XYLB: variants seen among roughly 807,000 people sequenced by gnomAD.
XYLB encodes xylulose kinase.
XYLB carries 62 observed loss-of-function variants against 78.7 expected under a neutral mutation model. That is an observed-to-expected ratio of 0.79 (90% CI 0.64 to 0.97). XYLB has a LOEUF of 0.97. Ranked by LOEUF, XYLB falls within the 50% of genes least tolerant of loss-of-function variation. XYLB has a pLI of 0.00. For missense variants in XYLB, 687 were observed against 676.8 expected, an observed-to-expected ratio of 1.02 and a Z score of -0.17; for synonymous variants, 245 against 247.4, an observed-to-expected ratio of 0.99 and a Z score of 0.09.
intron 17 of XYLB, 26 bp from the exon 18 acceptor site, chr3:38,400,865 A>C: frequency 2.5e-6 from 4 of 1,601,486 alleles, no homozygotes; most frequent in Non-Finnish European, 2.6e-6. Context: ...AACATGCACT[A>C]ATGTGAAGTG....
chr3:38,432,524 G>A, the XYLB span, among the ~76,000 whole-genome samples: 2 of 152,014 alleles, frequency 1.3e-5, no homozygotes, highest in Admixed American at 6.6e-5. Context: ...CTGAGATTGC[G>A]ACCCTGCACT....
the XYLB span, among the ~76,000 whole-genome samples, chr3:38,434,965 G>A: frequency 9.4e-4 from 143 of 152,086 alleles, no homozygotes; most frequent in African/African-American, 2.2e-3. Context: ...AAACCCCATC[G>A]CCATATCATA....
At chr3:38,416,726 T>A (rs889179217), downstream of XYLB, among the ~76,000 whole-genome samples, 1 of 152,012 alleles carries the variant, frequency 6.6e-6, no homozygotes, top group Non-Finnish European at 1.5e-5. Context: ...GACAAGACAA[T>A]GAAGGATACA....
rs761360694 is a variant in XYLB at position 38,346,905 on chromosome 3, T to A, written c.37T>A (p.Trp13Arg). 13 of 1,517,272 alleles carry A rather than the reference T, an allele frequency of 8.6e-6. No individual in the cohort carries two copies. Among genetic ancestry groups the A allele is most frequent in the Non-Finnish European group, 1.1e-5 (13 of 1,135,176 alleles). The allele number at this position is 1,517,272 out of a possible 1,614,324, so 94.0% of individuals were successfully genotyped here. The change falls in exon 1 of 19, where the codon TGG becomes AGG. Residue 13 changes from tryptophan (W) to arginine (R), a missense_variant. By Grantham distance (101) the Trp-to-Arg change is moderately radical. Transcript: ENST00000207870. ...EHAPRRCCLGWDFSTQQVKVV... is the reference protein window; with the variant it reads ...EHAPRRCCLGRDFSTQQVKVV... ...CGCCCCTCGCCGCTGCTGCCTGGGC[T>A]GGGACTTCAGCACGCAGCAGGTACA... is the stretch of plus-strand genomic sequence containing the variant.
rs1706631348 is a variant in XYLB at position 38,372,649 on chromosome 3, C to A, written c.766-6C>A. On this transcript the variant is annotated splice_region_variant and splice_polypyrimidine_tract_variant and intron_variant, in intron 9 of 18. Transcript: ENST00000207870. Reference sequence around the variant, plus strand: ...AGAGCACCTTTGCTTTGTCCCCGTCCCTCAGGGAGCCATTTCTTCCTACTA... The same window carrying A: ...AGAGCACCTTTGCTTTGTCCCCGTCACTCAGGGAGCCATTTCTTCCTACTA... The A allele has an allele frequency of 6.2e-7, 1 of 1,614,096 alleles. No homozygotes were observed. The highest frequency in any genetic ancestry group is 8.5e-7 in the Non-Finnish European group (1 of 1,180,004).
chr3:38,387,198 A>G (rs1707418513), intron 15 of XYLB, among the ~76,000 whole-genome samples: 1 of 152,058 alleles, frequency 6.6e-6, no homozygotes, highest in Non-Finnish European at 1.5e-5. Context: ...AATTTTGGAA[A>G]ATTCTTAGCC....
chr3:38,366,007 T>C (rs1010933550), intron 6 of XYLB, among the ~76,000 whole-genome samples: 1 of 151,962 alleles, frequency 6.6e-6, no homozygotes, highest in Non-Finnish European at 1.5e-5. Context: ...CCTCCTGTCA[T>C]TATTTGTAAC....
chr3:38,405,736 C>T (rs1169340674), intron 18 of XYLB, among the ~76,000 whole-genome samples: 13 of 152,246 alleles, frequency 8.5e-5, no homozygotes, highest in Admixed American at 2.6e-4. Flanking sequence ...GATTATATCC[C>T]GCACCTGGCT....
In XYLB at chr3:38,365,248, G is replaced by A. The variant is rs559486041; in HGVS notation, c.341G>A (p.Ser114Asn). 2.5e-6 allele frequency: 4 copies of A among 1,614,254 alleles called. No homozygotes were observed. The East Asian group carries it at 8.9e-5, about 36-fold the overall frequency. Residue 114 changes from serine (S) to asparagine (N), a missense_variant, in exon 5 of 19, where the codon AGC (serine) becomes AAC (asparagine). Physicochemically the swap from Ser to Asn is conservative, Grantham distance 46 (BLOSUM62 1). Coordinates refer to ENST00000207870, the MANE Select transcript of XYLB (RefSeq NM_005108.4). ...WKAGAQQALTSLSPDLRLHQQ... is the reference protein window; with the variant it reads ...WKAGAQQALTNLSPDLRLHQQ... ...GCTGGAGCCCAGCAGGCACTGACAA[G>A]CTTATCACCAGACCTCCGGCTACAC...
chr3:38,418,416 A>T (rs1575556108), downstream of XYLB, among the ~76,000 whole-genome samples: 3 of 152,194 alleles, frequency 2.0e-5, no homozygotes, highest in Admixed American at 6.5e-5. Flanking sequence ...ATTGGGCAAC[A>T]TCAACAAAAC....
At chr3:38,421,949 G>A (rs1179573375), downstream of XYLB, among the ~76,000 whole-genome samples, 1 of 152,310 alleles carries the variant, frequency 6.6e-6, no homozygotes, top group Non-Finnish European at 1.5e-5. Flanking sequence ...CAGGAATCCA[G>A]CAAGCTAGAC....
chr3:38,411,168 G>A (rs1178651245), intron 18 of XYLB, among the ~76,000 whole-genome samples: 1 of 152,030 alleles, frequency 6.6e-6, no homozygotes, highest in East Asian at 1.9e-4. Context: ...AAGAAAATGT[G>A]GCACATATAC....
At chr3:38,382,170 A>G (rs1304394572) in intron 15 of XYLB, among the ~76,000 whole-genome samples, 1 of 152,016 alleles carries the variant, frequency 6.6e-6, no homozygotes, top group African/African-American at 2.4e-5. Flanking sequence ...TAATGGTGAA[A>G]CCCCTTCTCT....
At position 38,348,624 on chromosome 3, in the gene XYLB, A is replaced by G. The variant is rs1705196040; in HGVS notation, c.132A>G (p.Pro44=). 1 of 1,614,200 alleles carries G rather than the reference A, an allele frequency of 6.2e-7. No homozygotes were observed. Among genetic ancestry groups the G allele is most frequent in the East Asian group, 2.2e-5 (1 of 44,878 alleles). Residue 44 remains proline (P), a synonymous_variant, in exon 2 of 19, where the codon CCA becomes CCG. Coordinates refer to ENST00000207870, the MANE Select transcript of XYLB (RefSeq NM_005108.4). ...EESVHFDRDL[P]EFGTQGGVHV... is the part of the protein sequence containing the mutation. The stretch of plus-strand genomic sequence containing the variant: ...GTGTGCATTTTGACAGAGATCTTCC[A>G]GAATTTGGGTATGTACTTGATGTGC...
chr3:38,395,073 G>A (rs1707813211), intron 15 of XYLB, among the ~76,000 whole-genome samples: 1 of 152,190 alleles, frequency 6.6e-6, no homozygotes, highest in Admixed American at 6.5e-5. Context: ...TATTGAATGT[G>A]AGGGGGGACT....
intron 18 of XYLB, among the ~76,000 whole-genome samples, chr3:38,408,677 G>A (rs1055246711): frequency 2.4e-5 from 3 of 125,564 alleles, no homozygotes; most frequent in Non-Finnish European, 3.9e-5. Context: ...GAATCAAATA[G>A]ACGCAATAAA....
chr3:38,346,841 A>G lies in XYLB; in HGVS notation c.-28A>G. ...CGCCGCGTGGCGGACGGACGGACTG[A>G]CGGACGCGCAGCCTTACCCGAAAGG... On this transcript the variant is annotated 5_prime_UTR_variant, in exon 1 of 19. Coordinates refer to ENST00000207870, the MANE Select transcript of XYLB (RefSeq NM_005108.4). The G allele has an allele frequency of 6.7e-7, 1 of 1,494,572 alleles. No homozygotes were observed. Among genetic ancestry groups the G allele is most frequent in the East Asian group, 2.9e-5 (1 of 34,876 alleles). The allele number at this position is 1,494,572 out of a possible 1,614,324, so 92.6% of individuals were successfully genotyped here. A position where few individuals can be genotyped will look rare whatever the true frequency, so the allele number is the denominator to read the frequency against.
downstream of XYLB, among the ~76,000 whole-genome samples, chr3:38,418,194 CAAAAAA>C (rs56163697): frequency 4.7e-5 from 5 of 106,828 alleles, no homozygotes; most frequent in African/African-American, 7.8e-5. Flanking sequence ...GACTCTGTCT[CAAAAAA>C]AAAAAAAAAA....
intron 18 of XYLB, among the ~76,000 whole-genome samples, chr3:38,403,213 G>C (rs1040361978): frequency 2.7e-5 from 4 of 150,658 alleles, no homozygotes; most frequent in African/African-American, 7.3e-5. Flanking sequence ...AGGATTACTT[G>C]AGCCCAGAAG....
Sources: gnomAD v4.1 joint callset for allele counts (sites outside exome capture counted in the v4.1 genomes callset) on GRCh38, gnomAD v4.1.1 for gene constraint, MANE v1.5 for transcripts, NCBI Gene and HGNC (gene_info 2026-07-23, HGNC 2026-07-21) for gene names.